Variants in ISOC1 observed in about 807,000 individuals in gnomAD.
The protein encoded by ISOC1 is isochorismatase domain containing 1.
A neutral mutation model predicts 30.0 loss-of-function variants in ISOC1; 33 were observed. That is an observed-to-expected ratio of 1.10 (90% CI 0.83 to 1.47). ISOC1 has a LOEUF of 1.47. Among genes scored for constraint, ISOC1 ranks in the 40% most tolerant of loss-of-function variants. The pLI, the probability that ISOC1 is intolerant of heterozygous loss-of-function variation, is 0.00. For missense variants in ISOC1, 372 were observed against 388.0 expected, an observed-to-expected ratio of 0.96 and a Z score of 0.35; for synonymous variants, 178 against 159.8, an observed-to-expected ratio of 1.11 and a Z score of -0.86.
intron 1 of ISOC1, among the ~76,000 whole-genome samples, chr5:129,098,328 A>T (rs989447004): frequency 2.6e-5 from 4 of 152,196 alleles, no homozygotes; most frequent in African/African-American, 9.7e-5. Context: ...CCGACAGCTC[A>T]GGTAGATGAA....
chr5:129,111,416 G>A (rs905495220), intron 4 of ISOC1, among the ~76,000 whole-genome samples: 29 of 152,060 alleles, frequency 1.9e-4, no homozygotes, highest in African/African-American at 4.8e-4. Flanking sequence ...ACTTCATTAC[G>A]GATAAAAATA....
At chr5:129,100,545 T>A (rs1753557941) in intron 1 of ISOC1, among the ~76,000 whole-genome samples, 1 of 152,186 alleles carries the variant, frequency 6.6e-6, no homozygotes, top group East Asian at 1.9e-4. Context: ...TATGCATAGA[T>A]CTGTAATTGC....
intron 4 of ISOC1, among the ~76,000 whole-genome samples, chr5:129,112,373 G>A (rs1465222600): frequency 1.3e-5 from 2 of 152,114 alleles, no homozygotes; most frequent in Non-Finnish European, 2.9e-5. Context: ...CTCAGTAGTA[G>A]AAATAGAAAT....
Position 129,094,939 on chromosome 5 carries a change from A to G in ISOC1, c.173A>G (p.Tyr58Cys). 6.2e-7 allele frequency: 1 copy of G among 1,612,256 alleles called. No individual in the cohort carries two copies. Among genetic ancestry groups the G allele is most frequent in the Non-Finnish European group, 8.5e-7 (1 of 1,179,808 alleles). ...CTCATCCAGAAGTTCCTCAGCCTGT[A>G]CGGCGACCAGATCGACATGCACCGC... ...ELLIQKFLSLYGDQIDMHRKF... is the reference protein window; with the variant it reads ...ELLIQKFLSLCGDQIDMHRKF... The change falls in exon 1 of 5, where the codon TAC (tyrosine) becomes TGC (cysteine). Residue 58 changes from tyrosine (Y) to cysteine (C), a missense_variant. By Grantham distance (194) the Tyr-to-Cys change is radical (BLOSUM62 -2). Coordinates refer to ENST00000173527, the MANE Select transcript of ISOC1 (RefSeq NM_016048.2).
chr5:129,113,100 T>C lies in ISOC1; in HGVS notation c.*99T>C. 8.3e-7 allele frequency: 1 copy of C among 1,202,242 alleles called. No homozygotes were observed. The highest frequency in any genetic ancestry group is 1.5e-5 in the African/African-American group (1 of 64,872). 74.5% of individuals were successfully genotyped at this position (1,202,242 alleles called of 1,614,324 possible). A position where few individuals can be genotyped will look rare whatever the true frequency, so the allele number is the denominator to read the frequency against. On this transcript the variant is annotated 3_prime_UTR_variant, in exon 5 of 5. Transcript: ENST00000173527. ...CTTCTTATCTCTACTAGAATTAAAA[T>C]GTTAAGTCAAAAACGGCTCCTTTTT... is the stretch of plus-strand genomic sequence containing the variant.
intron 1 of ISOC1, among the ~76,000 whole-genome samples, 154 bp from the exon 2 acceptor site, chr5:129,104,802 T>C (rs1049811892): frequency 1.3e-5 from 2 of 152,120 alleles, no homozygotes; most frequent in Non-Finnish European, 2.9e-5. Context: ...TTTTTTTTTT[T>C]CCTGTAATTC....
At chr5:129,101,118 C>G (rs1398414350) in intron 1 of ISOC1, among the ~76,000 whole-genome samples, 1 of 134,326 alleles carries the variant, frequency 7.4e-6, no homozygotes, top group African/African-American at 2.9e-5. Flanking sequence ...AGGATCTTCC[C>G]ACCTCAGCCT....
chr5:129,096,535 C>T (rs1039849466), intron 1 of ISOC1, among the ~76,000 whole-genome samples: 5 of 152,184 alleles, frequency 3.3e-5, no homozygotes, highest in Middle Eastern at 3.2e-3. Context: ...TGATCTGATA[C>T]CCCAGAATCT....
chr5:129,110,138 C>G (rs1028993789), intron 4 of ISOC1, among the ~76,000 whole-genome samples: 3 of 152,152 alleles, frequency 2.0e-5, no homozygotes, highest in African/African-American at 7.2e-5. Flanking sequence ...TTTTTCCCCC[C>G]TCTCTGAGGC....
At chr5:129,110,583 A>T (rs1753693125) in intron 4 of ISOC1, among the ~76,000 whole-genome samples, 1 of 152,172 alleles carries the variant, frequency 6.6e-6, no homozygotes, top group African/African-American at 2.4e-5. Flanking sequence ...AAGCAAAGTG[A>T]TAGTGTATGG....
At chr5:129,108,458 G>T (rs1753664013) in intron 4 of ISOC1, among the ~76,000 whole-genome samples, 1 of 151,554 alleles carries the variant, frequency 6.6e-6, no homozygotes, top group African/African-American at 2.4e-5. Context: ...TGGTAGTTAG[G>T]TACTAAGTAT....
At chr5:129,096,796 C>A (rs1291010760) in intron 1 of ISOC1, among the ~76,000 whole-genome samples, 1 of 152,150 alleles carries the variant, frequency 6.6e-6, no homozygotes, top group Non-Finnish European at 1.5e-5. Flanking sequence ...TTTCCTGTTA[C>A]GGCTTGGAGG....
intron 3 of ISOC1, among the ~76,000 whole-genome samples, chr5:129,106,060 A>G (rs927211210): frequency 6.6e-6 from 1 of 152,212 alleles, no homozygotes; most frequent in Non-Finnish European, 1.5e-5. Flanking sequence ...GCTTAGATGT[A>G]TATTCAATAT....
chr5:129,112,997 T>C lies in ISOC1; in HGVS notation c.893T>C (p.Val298Ala). 4 of 1,611,426 alleles carry C rather than the reference T, an allele frequency of 2.5e-6. No individual in the cohort carries two copies. Among genetic ancestry groups the C allele is most frequent in the Non-Finnish European group, 3.4e-6 (4 of 1,178,694 alleles). ...SAPESGLLSKV is the reference protein window; with the variant it reads ...SAPESGLLSKA Reference sequence around the variant, plus strand: ...CCAGAGTCGGGTCTGCTTTCCAAAGTATAGGACATTTGAAGAACTGGTATG... The same window carrying C: ...CCAGAGTCGGGTCTGCTTTCCAAAGCATAGGACATTTGAAGAACTGGTATG... Residue 298 changes from valine (V) to alanine (A), a missense_variant, in exon 5 of 5, where the codon GTA (valine) becomes GCA (alanine). By Grantham distance (64) the Val-to-Ala change is moderately conservative (BLOSUM62 0). Coordinates refer to ENST00000173527, the MANE Select transcript of ISOC1 (RefSeq NM_016048.2).
Position 129,106,932 on chromosome 5 carries a change from T to C in ISOC1, c.634-14T>C. 1.3e-6 allele frequency: 2 copies of C among 1,579,736 alleles called. No individual in the cohort carries two copies. The highest frequency in any genetic ancestry group is 1.7e-6 in the Non-Finnish European group (2 of 1,149,138). ...ATTATGTTATTACATATGATTCTTG[T>C]ACTTTCCTACTAGACTCATGTGTGC... On this transcript the variant is annotated splice_polypyrimidine_tract_variant and intron_variant, in intron 3 of 4. Coordinates refer to ENST00000173527, the MANE Select transcript of ISOC1 (RefSeq NM_016048.2).
At chr5:129,098,292 A>C (rs1165492213) in intron 1 of ISOC1, among the ~76,000 whole-genome samples, 1 of 152,184 alleles carries the variant, frequency 6.6e-6, no homozygotes, top group Non-Finnish European at 1.5e-5. Flanking sequence ...CTTTTCTTAA[A>C]TATTCTGTCA....
In ISOC1 at chr5:129,094,778, G is replaced by C; in HGVS notation, c.12G>C (p.Ala4=). Residue 4 remains alanine (A), a synonymous_variant, in exon 1 of 5, where the codon GCG becomes GCC. Coordinates refer to ENST00000173527, the MANE Select transcript of ISOC1 (RefSeq NM_016048.2). MAA[A]EPAVLALPNS... ...ACGCTCGGGGGAACATGGCGGCTGC[G>C]GAGCCGGCGGTCCTTGCGCTCCCCA... 1.3e-6 allele frequency: 2 copies of C among 1,502,604 alleles called. No individual in the cohort carries two copies. The highest frequency in any genetic ancestry group is 1.8e-6 in the Non-Finnish European group (2 of 1,131,282). The allele number at this position is 1,502,604 out of a possible 1,614,324, so 93.1% of individuals were successfully genotyped here.
At position 129,112,864 on chromosome 5, in the gene ISOC1, C is replaced by A; in HGVS notation, c.760C>A (p.Arg254=). The change falls in exon 5 of 5, where the codon CGA becomes AGA. Residue 254 remains arginine, a synonymous_variant. Coordinates refer to ENST00000173527, the MANE Select transcript of ISOC1 (RefSeq NM_016048.2). ...TATCTTTTTGTTCAAGCGTCTCGCT[C>A]GAACCGGGATCATAGTGACCACGAG... The part of the protein sequence containing the change: ...DRMFALERLA[R]TGIIVTTSEA... The A allele has an allele frequency of 6.2e-7, 1 of 1,612,256 alleles. No homozygotes were observed. The highest frequency in any genetic ancestry group is 1.1e-5 in the South Asian group (1 of 90,696).
intron 1 of ISOC1, among the ~76,000 whole-genome samples, chr5:129,102,086 TTG>T (rs1561421942): frequency 6.6e-6 from 1 of 152,136 alleles, no homozygotes; most frequent in Non-Finnish European, 1.5e-5. Context: ...GGTCTCTCCA[TTG>T]TAAAGTTACT....
Sources: allele counts gnomAD v4.1 joint callset (sites outside exome capture counted in the v4.1 genomes callset), GRCh38; gene constraint gnomAD v4.1.1; transcripts MANE v1.5; gene names NCBI Gene and HGNC (gene_info 2026-07-23, HGNC 2026-07-21).